ARHGAP39: variants seen among roughly 807,000 people sequenced by gnomAD.
ARHGAP39 encodes rho GTPase-activating protein 39.
In ARHGAP39, 44 loss-of-function variants were observed where a neutral mutation model predicts 106.9. The observed-to-expected ratio is 0.41, with a 90% confidence interval of 0.32 to 0.53. ARHGAP39 has a LOEUF of 0.53. Ranked by LOEUF, ARHGAP39 falls within the 20% of genes least tolerant of loss-of-function variation. ARHGAP39 has a pLI of 0.21. For synonymous variants in ARHGAP39, 768 were observed against 693.2 expected, an observed-to-expected ratio of 1.11 and a Z score of -1.69; for missense variants, 1,496 against 1,577.3, an observed-to-expected ratio of 0.95 and a Z score of 0.87.
upstream of ARHGAP39, among the ~76,000 whole-genome samples, chr8:144,685,929 G>A (rs1227338700): frequency 5.3e-5 from 8 of 150,464 alleles, no homozygotes; most frequent in African/African-American, 1.2e-4. Flanking sequence ...CGCCGCCAGG[G>A]GGCACTGCCT....
intron 3 of ARHGAP39, among the ~76,000 whole-genome samples, chr8:144,566,862 GAA>G (rs376603057): frequency 0.052 from 4,863 of 93,032 alleles, 249 homozygotes; most frequent in African/African-American, 0.15. Context: ...CTCAAAAAAA[GAA>G]AAAAAAAAAA....
intron 3 of ARHGAP39, among the ~76,000 whole-genome samples, chr8:144,574,793 C>T (rs1818713818): frequency 1.3e-5 from 2 of 152,218 alleles, no homozygotes; most frequent in Non-Finnish European, 2.9e-5. Flanking sequence ...GAGTTGAAGG[C>T]TGCAGTGAGC....
At chr8:144,603,334 T>G (rs951726678) in intron 2 of ARHGAP39, among the ~76,000 whole-genome samples, 2 of 152,038 alleles carry the variant, frequency 1.3e-5, no homozygotes, top group Non-Finnish European at 2.9e-5. Context: ...CCTGCATGTG[T>G]GGAGGCATGT....
upstream of ARHGAP39, among the ~76,000 whole-genome samples, chr8:144,690,402 T>C (rs111494126): frequency 3.5e-3 from 537 of 152,148 alleles, 1 homozygote; most frequent in Non-Finnish European, 5.4e-3. Context: ...CACTGCAAAA[T>C]TGTACCATTT....
chr8:144,653,965 G>A (rs1266036376), intron 1 of ARHGAP39, among the ~76,000 whole-genome samples: 2 of 152,194 alleles, frequency 1.3e-5, no homozygotes, highest in Non-Finnish European at 2.9e-5. Flanking sequence ...CAGACCACGC[G>A]GACAGAGCCG....
intron 2 of ARHGAP39, among the ~76,000 whole-genome samples, chr8:144,601,189 T>C (rs1347865220): frequency 7.0e-6 from 1 of 142,154 alleles, no homozygotes; most frequent in Non-Finnish European, 1.5e-5. Context: ...TGCAAGCTCG[T>C]GTACCTGTGT....
intron 1 of ARHGAP39, among the ~76,000 whole-genome samples, chr8:144,640,564 G>A (rs1033545017): frequency 6.6e-6 from 1 of 152,090 alleles, no homozygotes; most frequent in Non-Finnish European, 1.5e-5. Flanking sequence ...CCTTTTTCCT[G>A]TATAAATTAC....
At chr8:144,534,025 G>T in intron 8 of ARHGAP39, 104 bp downstream of exon 8, 1 of 1,320,706 alleles carries the variant, frequency 7.6e-7, no homozygotes, top group Non-Finnish European at 1.1e-6. Context: ...GGCACCCTCT[G>T]CGCTGCTGCC....
chr8:144,563,147 T>TA (rs1249776371), intron 3 of ARHGAP39, among the ~76,000 whole-genome samples: 1 of 152,242 alleles, frequency 6.6e-6, no homozygotes, highest in African/African-American at 2.4e-5. Flanking sequence ...AAGGCTTACT[T>TA]AGACAAACTT....
chr8:144,662,951 A>C (rs1821871787), intron 1 of ARHGAP39, among the ~76,000 whole-genome samples: 1 of 129,064 alleles, frequency 7.7e-6, no homozygotes. Flanking sequence ...ACACCCCATT[A>C]CTCACCTTGG....
intron 1 of ARHGAP39, among the ~76,000 whole-genome samples, chr8:144,658,515 T>C (rs1821751208): frequency 1.3e-5 from 2 of 152,200 alleles, no homozygotes; most frequent in Non-Finnish European, 2.9e-5. Flanking sequence ...CCTCAGGTGA[T>C]CTGCTCGCCT....
chr8:144,567,734 C>T (rs986648565), intron 3 of ARHGAP39, among the ~76,000 whole-genome samples: 9 of 152,192 alleles, frequency 5.9e-5, no homozygotes, highest in Non-Finnish European at 1.2e-4. Flanking sequence ...GAAATAATGG[C>T]GTAAGTTGTT....
At chr8:144,624,040 G>A (rs1820874913) in intron 1 of ARHGAP39, among the ~76,000 whole-genome samples, 1 of 152,210 alleles carries the variant, frequency 6.6e-6, no homozygotes, top group Admixed American at 6.5e-5. Flanking sequence ...GCCTCGTGCT[G>A]CAAACAAGCA....
rs1816544921 is a variant in ARHGAP39, at chr8:144,529,252, G to A, written c.*1170C>T. 1 of 228,982 alleles carries A rather than the reference G, an allele frequency of 4.4e-6. No individual in the cohort carries two copies. The highest frequency in any genetic ancestry group is 5.8e-5 in the Admixed American group (1 of 17,144). 14.2% of individuals were successfully genotyped at this position (228,982 alleles called of 1,614,324 possible). A position where few individuals can be genotyped will look rare whatever the true frequency, so the allele number is the denominator to read the frequency against. On this transcript the variant is annotated 3_prime_UTR_variant, in exon 12 of 12. Coordinates refer to ENST00000377307, the MANE Select transcript of ARHGAP39 (RefSeq NM_025251.3). ...ATGCGTCGGGGCGAGCGTCTCAGCC[G>A]GGCGGGACCGCAAAGGCCCCGGGAC... is the stretch of plus-strand genomic sequence containing the variant.
intron 2 of ARHGAP39, among the ~76,000 whole-genome samples, chr8:144,592,205 C>T (rs2130916734): frequency 6.6e-6 from 1 of 152,344 alleles, no homozygotes; most frequent in Non-Finnish European, 1.5e-5. Context: ...GAACACCAGC[C>T]TCCTAAGAAC....
intron 1 of ARHGAP39, among the ~76,000 whole-genome samples, chr8:144,677,682 A>AG (rs1301401009): frequency 5.9e-5 from 9 of 152,156 alleles, no homozygotes; most frequent in African/African-American, 2.2e-4. Flanking sequence ...GAAAAGGGTA[A>AG]GGAAAAAAAC....
intron 1 of ARHGAP39, among the ~76,000 whole-genome samples, chr8:144,648,990 A>G (rs1346771612): frequency 1.3e-5 from 2 of 152,206 alleles, no homozygotes; most frequent in Non-Finnish European, 2.9e-5. Flanking sequence ...AAAGACAAAA[A>G]AATAACCAAA....
chr8:144,688,034 A>T (rs1037737567), upstream of ARHGAP39, among the ~76,000 whole-genome samples: 1 of 151,892 alleles, frequency 6.6e-6, no homozygotes, highest in African/African-American at 2.4e-5. Context: ...TACAGTGAGC[A>T]TTTCCCACCC....
intron 1 of ARHGAP39, among the ~76,000 whole-genome samples, chr8:144,617,938 C>T (rs186751789): frequency 2.0e-5 from 3 of 152,026 alleles, no homozygotes; most frequent in African/African-American, 4.8e-5. Context: ...CGAGCCACCA[C>T]GCCCAGCTAA....
Sources: gnomAD v4.1 joint callset for allele counts (sites outside exome capture counted in the v4.1 genomes callset) on GRCh38, gnomAD v4.1.1 for gene constraint, MANE v1.5 for transcripts, NCBI Gene and HGNC (gene_info 2026-07-23, HGNC 2026-07-21) for gene names.